Variants in PPM1L observed in about 807,000 individuals in gnomAD.
The protein encoded by PPM1L is protein phosphatase 1L.
PPM1L carries 13 observed loss-of-function variants against 31.4 expected under a neutral mutation model. The ratio of observed to expected loss-of-function variants is 0.41; its 90% CI spans 0.27 to 0.66. The LOEUF (loss-of-function observed/expected upper bound fraction) is 0.66. Ranked by LOEUF, PPM1L falls within the 30% of genes least tolerant of loss-of-function variation. The probability of loss-of-function intolerance (pLI) is 0.29; values close to 1 mark genes in which losing one functional copy is unlikely to be tolerated. For missense variants in PPM1L, 326 were observed against 453.7 expected (o/e 0.72, Z 2.56); for synonymous variants, 184 against 175.4 (o/e 1.05, Z -0.39).
chr3:161,011,252 A>G (rs2108062850), intron 2 of PPM1L, among the ~76,000 whole-genome samples: 1 of 152,326 alleles, frequency 6.6e-6, no homozygotes, highest in East Asian at 1.9e-4. Context: ...CAGTTTTCCC[A>G]GCACCGTTTA....
intron 2 of PPM1L, among the ~76,000 whole-genome samples, chr3:161,034,802 G>A (rs2108083571): frequency 6.6e-6 from 1 of 151,774 alleles, no homozygotes; most frequent in African/African-American, 2.4e-5. Context: ...GTATACCTAT[G>A]TAACAAACCT....
At chr3:160,798,411 G>A (rs906648035) in intron 1 of PPM1L, among the ~76,000 whole-genome samples, 5 of 152,120 alleles carry the variant, frequency 3.3e-5, no homozygotes, top group Non-Finnish European at 7.4e-5. Flanking sequence ...AAGAGATAAT[G>A]TAGCTGGTGA....
intron 2 of PPM1L, among the ~76,000 whole-genome samples, chr3:160,987,416 C>T (rs568359062): frequency 7.9e-5 from 12 of 152,118 alleles, no homozygotes; most frequent in Non-Finnish European, 1.2e-4. Flanking sequence ...AAGAACTATA[C>T]GTGAAAATAA....
chr3:160,962,011 A>G (rs560814958), intron 2 of PPM1L, 101 bp downstream of exon 2: 49 of 820,470 alleles, frequency 6.0e-5, no homozygotes, highest in Middle Eastern at 7.5e-4. Flanking sequence ...ACTAGATTCA[A>G]AGTTATGTAA....
intron 1 of PPM1L, among the ~76,000 whole-genome samples, chr3:160,958,996 G>A (rs1482513313): frequency 6.6e-6 from 1 of 152,222 alleles, no homozygotes; most frequent in Admixed American, 6.5e-5. Flanking sequence ...ACACGTGCAT[G>A]TGCATGTGTA....
intron 2 of PPM1L, among the ~76,000 whole-genome samples, chr3:161,063,349 T>G (rs182329758): frequency 3.3e-5 from 5 of 152,328 alleles, no homozygotes; most frequent in Admixed American, 3.3e-4. Flanking sequence ...CCCCAAGGCC[T>G]TTTGTATTAG....
chr3:161,049,045 G>A (rs1432568549), intron 2 of PPM1L, among the ~76,000 whole-genome samples: 1 of 150,862 alleles, frequency 6.6e-6, no homozygotes, highest in Non-Finnish European at 1.5e-5. Context: ...ACACCTGCAG[G>A]TTGTGAACAT....
intron 1 of PPM1L, among the ~76,000 whole-genome samples, chr3:160,892,292 G>A (rs981229332): frequency 6.6e-6 from 1 of 152,114 alleles, no homozygotes; most frequent in Admixed American, 6.5e-5. Context: ...AGGTGAAGAG[G>A]GAGCAGGCAC....
At chr3:160,962,309 G>A (rs1715994815) in intron 2 of PPM1L, among the ~76,000 whole-genome samples, 1 of 151,612 alleles carries the variant, frequency 6.6e-6, no homozygotes, top group African/African-American at 2.4e-5. Context: ...AAACTGTTAA[G>A]CTAATCATTG....
intron 1 of PPM1L, among the ~76,000 whole-genome samples, chr3:160,946,591 C>G (rs954236533): frequency 1.3e-5 from 2 of 152,096 alleles, no homozygotes; most frequent in African/African-American, 2.4e-5. Context: ...TACTAGGCCA[C>G]TCTATACATT....
chr3:160,872,716 G>A (rs1334403195), intron 1 of PPM1L, among the ~76,000 whole-genome samples: 1 of 152,104 alleles, frequency 6.6e-6, no homozygotes, highest in Non-Finnish European at 1.5e-5. Flanking sequence ...CATGAGGTCA[G>A]GAGTTCAAGA....
intron 1 of PPM1L, among the ~76,000 whole-genome samples, chr3:160,883,457 C>T (rs772121711): frequency 1.3e-5 from 2 of 152,054 alleles, no homozygotes; most frequent in Non-Finnish European, 2.9e-5. Flanking sequence ...TACATTTTCC[C>T]GTAAAGTCTT....
chr3:160,848,194 G>A (rs1714141041), intron 1 of PPM1L, among the ~76,000 whole-genome samples: 2 of 152,184 alleles, frequency 1.3e-5, no homozygotes, highest in African/African-American at 4.8e-5. Context: ...GTGGAGTATA[G>A]TAATGCAGAT....
chr3:161,066,417 A>C (rs1719741746), intron 3 of PPM1L, among the ~76,000 whole-genome samples: 1 of 152,176 alleles, frequency 6.6e-6, no homozygotes, highest in Admixed American at 6.5e-5. Context: ...TTCATATAGT[A>C]TATTAGAAGT....
At chr3:160,894,580 A>G (rs150234964) in intron 1 of PPM1L, among the ~76,000 whole-genome samples, 161 of 152,346 alleles carry the variant, frequency 1.1e-3, no homozygotes, top group African/African-American at 3.7e-3. Context: ...GAGGCCTGGA[A>G]AGGTAAGATG....
intron 2 of PPM1L, among the ~76,000 whole-genome samples, chr3:161,044,640 AC>A (rs923154163): frequency 1.2e-4 from 18 of 152,210 alleles, no homozygotes; most frequent in African/African-American, 4.1e-4. Context: ...ATGGAAAGGA[AC>A]AACCAGTACC....
chr3:161,034,591 A>G (rs1159503222), intron 2 of PPM1L, among the ~76,000 whole-genome samples: 2 of 151,760 alleles, frequency 1.3e-5, no homozygotes, highest in Non-Finnish European at 2.9e-5. Flanking sequence ...GTAACACAGG[A>G]ACAGAAAACC....
rs1559943688 is a variant in PPM1L, at chr3:161,068,992, T to C, written c.918T>C (p.Asp306=). The change falls in exon 4 of 4, where the codon GAT becomes GAC. Residue 306 remains aspartate (D), a synonymous_variant. Coordinates refer to ENST00000498165, the MANE Select transcript of PPM1L (RefSeq NM_139245.4). The part of the protein sequence containing the change: ...FMILASDGLW[D]AFSNEEAVRF... ...TCTTGGCATCAGATGGTCTCTGGGA[T>C]GCTTTCAGCAATGAAGAAGCAGTTC... 6.2e-7 allele frequency: 1 copy of C among 1,614,224 alleles called. No individual in the cohort carries two copies. Among genetic ancestry groups the C allele is most frequent in the Non-Finnish European group, 8.5e-7 (1 of 1,180,032 alleles).
At chr3:160,852,567 A>G (rs1294573864) in intron 1 of PPM1L, among the ~76,000 whole-genome samples, 3 of 152,214 alleles carry the variant, frequency 2.0e-5, no homozygotes, top group African/African-American at 7.2e-5. Context: ...AAAGAACCAT[A>G]TAACCCAAAT....
Sources: gnomAD v4.1 joint callset for allele counts (sites outside exome capture counted in the v4.1 genomes callset) on GRCh38, gnomAD v4.1.1 for gene constraint, MANE v1.5 for transcripts, NCBI Gene and HGNC (gene_info 2026-07-23, HGNC 2026-07-21) for gene names.